Variants in GET1 observed in about 807,000 individuals in gnomAD.
GET1 encodes guided entry of tail-anchored proteins factor 1, also known as congenital heart disease 5 protein.
In GET1, 20 loss-of-function variants were observed where a neutral mutation model predicts 22.6. That is an observed-to-expected ratio of 0.89 (90% confidence interval 0.62 to 1.29). The LOEUF is 1.29. Ranked by LOEUF, GET1 falls within the 50% of genes most tolerant of loss-of-function variation. GET1 has a pLI of 0.00. For synonymous variants in GET1, 92 were observed against 83.8 expected, an observed-to-expected ratio of 1.10 and a Z score of -0.53; for missense variants, 209 against 219.9, an observed-to-expected ratio of 0.95 and a Z score of 0.31.
At chr21:39,393,406 A>G (rs997510530) in intron 4 of GET1, 126 bp downstream of exon 4, 1 of 733,432 alleles carries the variant, frequency 1.4e-6, no homozygotes, top group African/African-American at 1.8e-5. Context: ...TTTGTGTCTC[A>G]GCCTCACATG....
chr21:39,424,786 T>C (rs919306313), intron 1 of GET1, among the ~76,000 whole-genome samples: 3 of 152,242 alleles, frequency 2.0e-5, no homozygotes, highest in African/African-American at 7.2e-5. Flanking sequence ...ATGAAGTAAT[T>C]GGCATGTGTC....
In GET1 at chr21:39,380,328, T is replaced by C. The variant is rs899063148; in HGVS notation, c.-57T>C. On this transcript the variant is annotated 5_prime_UTR_variant, in exon 1 of 5. Transcript: ENST00000649170. ...ACCGCGCAGGCGCGGTCGCCGCTGT[T>C]GTTGTGGTCCCCATGGAGCTGCCGT... The C allele has an allele frequency of 5.2e-6, 8 of 1,547,164 alleles. No homozygotes were observed. In the African/African-American group the frequency reaches 8.2e-5, roughly 16 times the overall value.
At chr21:39,409,884 A>G (rs528139093), downstream of GET1, 6 of 714,750 alleles carry the variant, frequency 8.4e-6, no homozygotes, top group South Asian at 1.1e-4. The surrounding 1 kb of genome is among the most constrained non-coding windows in gnomAD (Gnocchi z 4.2). Context: ...GCGAGCTGCC[A>G]TGCCCAGCTG....
At chr21:39,386,481 T>A (rs750240047) in intron 1 of GET1, 7 of 152,376 alleles carry the variant, frequency 4.6e-5, no homozygotes, top group Non-Finnish European at 7.3e-5. Context: ...GCTGGTGGCC[T>A]GGAGAGCTGC....
chr21:39,404,282 G>C (rs1221073929), intron 4 of GET1, among the ~76,000 whole-genome samples: 1 of 152,130 alleles, frequency 6.6e-6, no homozygotes, highest in Non-Finnish European at 1.5e-5. Flanking sequence ...GCAGGGCCAT[G>C]GTACTGTTTT....
At chr21:39,407,433 A>G (rs2039267762), downstream of GET1, among the ~76,000 whole-genome samples, 1 of 152,214 alleles carries the variant, frequency 6.6e-6, no homozygotes, top group Admixed American at 6.5e-5. Context: ...TTAGGTGAAT[A>G]TACTCTTAGA....
exon 5 of GET1, chr21:39,406,028 C>G (rs2039028054): frequency 1.2e-6 from 2 of 1,614,224 alleles, no homozygotes; most frequent in Non-Finnish European, 1.7e-6. Flanking sequence ...AAAGGCTCCT[C>G]TGAGCCTTTT....
intron 1 of GET1, chr21:39,423,405 T>A: frequency 1.2e-6 from 2 of 1,606,880 alleles, no homozygotes; most frequent in Non-Finnish European, 1.7e-6. Context: ...CCATAGCATC[T>A]CTTCTTTGGG....
At chr21:39,387,635 A>G in intron 1 of GET1, 1 of 288,868 alleles carries the variant, frequency 3.5e-6, no homozygotes, top group Non-Finnish European at 5.2e-6. Flanking sequence ...GCTGCGCTGC[A>G]GTGAACACGC....
chr21:39,418,939 C>G (rs1205106672), intron 1 of GET1, among the ~76,000 whole-genome samples: 4 of 152,166 alleles, frequency 2.6e-5, no homozygotes, highest in Non-Finnish European at 4.4e-5. Flanking sequence ...GAAGTCTCTT[C>G]TGTTAGATTT....
At chr21:39,410,500 T>C, downstream of GET1, 1 of 550,352 alleles carries the variant, frequency 1.8e-6, no homozygotes, top group Admixed American at 3.6e-5. Context: ...TCAATATATA[T>C]ATAAGCATTT....
At chr21:39,392,938 C>T (rs906890281) in intron 3 of GET1, 2 of 494,172 alleles carry the variant, frequency 4.0e-6, no homozygotes, top group Non-Finnish European at 7.2e-6. Context: ...AGTGTTCAGA[C>T]ATGCTGCTGA....
intron 1 of GET1, among the ~76,000 whole-genome samples, chr21:39,412,801 C>G (rs2147246389): frequency 6.6e-6 from 1 of 152,288 alleles, no homozygotes; most frequent in East Asian, 1.9e-4. Flanking sequence ...CCCCGCCGCC[C>G]CATTCATCAT....
intron 1 of GET1, among the ~76,000 whole-genome samples, chr21:39,386,812 T>G (rs2037936385): frequency 6.6e-6 from 1 of 152,084 alleles, no homozygotes; most frequent in Admixed American, 6.6e-5. Flanking sequence ...GGTCTTGGAT[T>G]AACATTGATA....
At chr21:39,412,597 T>G (rs1448762031) in intron 1 of GET1, among the ~76,000 whole-genome samples, 1 of 150,302 alleles carries the variant, frequency 6.7e-6, no homozygotes, top group Non-Finnish European at 1.5e-5. Context: ...CAGACGTGCA[T>G]GTGCACACAC....
intron 4 of GET1, among the ~76,000 whole-genome samples, chr21:39,404,215 T>C (rs889444715): frequency 1.3e-5 from 2 of 152,218 alleles, no homozygotes; most frequent in Admixed American, 6.5e-5. Context: ...ATTTAAAATA[T>C]CCTAAGTTTA....
At chr21:39,409,215 A>AGT (rs1449949938), downstream of GET1, among the ~76,000 whole-genome samples, 1 of 152,184 alleles carries the variant, frequency 6.6e-6, no homozygotes, top group East Asian at 1.9e-4. The surrounding 1 kb of genome is among the most constrained non-coding windows in gnomAD (Gnocchi z 4.2). Context: ...ATGAAGACAT[A>AGT]GTGAGAAGCG....
Position 39,391,781 on chromosome 21 carries a change from C to G in GET1, c.281C>G (p.Thr94Arg). 6.2e-7 allele frequency: 1 copy of G among 1,614,164 alleles called. No homozygotes were observed. The highest frequency in any genetic ancestry group is 8.5e-7 in the Non-Finnish European group (1 of 1,180,026). The change falls in exon 3 of 5, where the codon ACA becomes AGA. Residue 94 changes from threonine (T) to arginine (R), a missense_variant. Physicochemically the swap from Thr to Arg is moderately conservative, Grantham distance 71. Transcript: ENST00000649170. ...TTTTTCCTTTCAGTGAAAGCTCGGA[C>G]AGCTCAATTAGCCAAGATAAAATGG... ...DKLKTHVKAR[T>R]AQLAKIKWVI...
Position 39,420,919 on chromosome 21 carries a change from T to G in GET1, c.*24-7313T>G, listed in dbSNP as rs2042191609. On this transcript the variant is annotated intron_variant, in intron 1 of 1. Coordinates refer to the GET1 transcript ENST00000478273. ...AAACTTCAATTATCATGGAACTAAC[T>G]ACATTTATGAAAAGTGCACATTTTC... 3 of 1,135,168 alleles carry G rather than the reference T, an allele frequency of 2.6e-6. 1 individual carries two copies. The highest frequency in any genetic ancestry group is 2.8e-5 in the South Asian group (2 of 70,538). 70.3% of individuals were successfully genotyped at this position (1,135,168 alleles called of 1,614,324 possible).
Sources: gnomAD v4.1 joint callset for allele counts (sites outside exome capture counted in the v4.1 genomes callset) on GRCh38, gnomAD v4.1.1 for gene constraint, Gnocchi (gnomAD v3.1) non-coding constraint, MANE v1.5 for transcripts, NCBI Gene and HGNC (gene_info 2026-07-23, HGNC 2026-07-21) for gene names.